Variants in KCNMB2 observed in about 807,000 individuals in gnomAD.
KCNMB2 encodes calcium-activated potassium channel subunit beta-2.
A neutral mutation model predicts 24.5 loss-of-function variants in KCNMB2; 9 were observed. The ratio of observed to expected loss-of-function variants is 0.37; its 90% CI spans 0.22 to 0.64. The LOEUF (loss-of-function observed/expected upper bound fraction) is 0.64, where lower values mean the gene tolerates loss of function less well. Among genes scored for constraint, KCNMB2 ranks in the 30% least tolerant of loss-of-function variants. The pLI, the probability that KCNMB2 is intolerant of heterozygous loss-of-function variation, is 0.63. For synonymous variants in KCNMB2, 109 were observed against 104.4 expected, an observed-to-expected ratio of 1.04 and a Z score of -0.27; for missense variants, 226 against 284.3, an observed-to-expected ratio of 0.79 and a Z score of 1.47.
At chr3:178,784,804 G>A (rs1373915386) in intron 1 of KCNMB2, among the ~76,000 whole-genome samples, 1 of 142,410 alleles carries the variant, frequency 7.0e-6, no homozygotes, top group Non-Finnish European at 1.5e-5. Flanking sequence ...TCTGCTTAGT[G>A]TCTTTTGCAT....
At chr3:178,823,905 C>T (rs1348016098) in intron 2 of KCNMB2, among the ~76,000 whole-genome samples, 1 of 138,574 alleles carries the variant, frequency 7.2e-6, no homozygotes, top group East Asian at 2.0e-4. Context: ...TGGCTTTTTG[C>T]CTGAAGCTAA....
intron 1 of KCNMB2, among the ~76,000 whole-genome samples, chr3:178,710,141 T>C (rs571432880): frequency 6.6e-6 from 1 of 152,252 alleles, no homozygotes; most frequent in South Asian, 2.1e-4. Flanking sequence ...AAATTAACTA[T>C]ATTAATTTAG....
intron 1 of KCNMB2, among the ~76,000 whole-genome samples, chr3:178,719,556 T>G (rs1722727710): frequency 6.6e-6 from 1 of 152,208 alleles, no homozygotes; most frequent in African/African-American, 2.4e-5. Context: ...TTTCTTTCTT[T>G]TTTTGCTTAT....
At chr3:178,729,893 C>T (rs1723087569) in intron 1 of KCNMB2, among the ~76,000 whole-genome samples, 1 of 152,164 alleles carries the variant, frequency 6.6e-6, no homozygotes, top group Admixed American at 6.6e-5. Flanking sequence ...ATTAAAACAA[C>T]AGAAGTTTAC....
chr3:178,584,532 AGTGCCTGGC>A (rs1717351812), intron 1 of KCNMB2, among the ~76,000 whole-genome samples: 1 of 152,132 alleles, frequency 6.6e-6, no homozygotes, highest in Admixed American at 6.5e-5. Context: ...CACCTAGAAC[AGTGCCTGGC>A]ACATGCTAAG....
intron 4 of KCNMB2, 88 bp from the exon 5 acceptor site, chr3:178,842,565 C>A: frequency 1.2e-6 from 1 of 839,258 alleles, no homozygotes; most frequent in Non-Finnish European, 1.9e-6. Context: ...TTTCACAGAT[C>A]ACTAATTTGG....
chr3:178,722,622 G>A (rs1049883808), intron 1 of KCNMB2, among the ~76,000 whole-genome samples: 7 of 152,200 alleles, frequency 4.6e-5, no homozygotes, highest in South Asian at 2.1e-4. Context: ...GGCGGGGCAC[G>A]GTGACATATG....
At chr3:178,721,121 G>A (rs964009645) in intron 1 of KCNMB2, among the ~76,000 whole-genome samples, 1 of 152,218 alleles carries the variant, frequency 6.6e-6, no homozygotes, top group African/African-American at 2.4e-5. Context: ...TAACGTTTAA[G>A]TCTTTAATCT....
chr3:178,697,064 A>G (rs1293181070), intron 1 of KCNMB2, among the ~76,000 whole-genome samples: 2 of 152,218 alleles, frequency 1.3e-5, no homozygotes, highest in Non-Finnish European at 2.9e-5. Flanking sequence ...TGGTAATAAG[A>G]AGAATGTATA....
At chr3:178,842,138 G>A (rs1158904385) in intron 4 of KCNMB2, among the ~76,000 whole-genome samples, 1 of 152,072 alleles carries the variant, frequency 6.6e-6, no homozygotes, top group African/African-American at 2.4e-5. Context: ...CAGTTGCAAA[G>A]TAACCAAATA....
chr3:178,800,552 A>G lies in KCNMB2; in HGVS notation c.-67-6791A>G, dbSNP rs145181029. Among the ~76,000 whole-genome samples the G allele has an allele frequency of 2.0e-3, 308 of 152,336 alleles. 1 individual carries two copies. The highest frequency in any genetic ancestry group is 3.9e-3 in the Non-Finnish European group (262 of 68,008). On this transcript the variant is annotated intron_variant, in intron 1 of 4. Coordinates refer to ENST00000452583, the MANE Select transcript of KCNMB2 (RefSeq NM_181361.3). ...ACAAATGCTAGTGAGGATGTGGAGAAAAGGGAACTCTTGTACACTGTTGGT... is the reference window on the plus strand; with the variant it reads ...ACAAATGCTAGTGAGGATGTGGAGAGAAGGGAACTCTTGTACACTGTTGGT...
chr3:178,739,877 C>T (rs1723438570), intron 1 of KCNMB2, among the ~76,000 whole-genome samples: 1 of 152,092 alleles, frequency 6.6e-6, no homozygotes, highest in Non-Finnish European at 1.5e-5. Context: ...TGGGAACAAA[C>T]CAAGCTGTCC....
chr3:178,559,432 T>G (rs1486677204), intron 1 of KCNMB2, among the ~76,000 whole-genome samples: 1 of 151,976 alleles, frequency 6.6e-6, no homozygotes, highest in Non-Finnish European at 1.5e-5. Context: ...TTTTCTTGTA[T>G]TTGAACAATT....
chr3:178,665,123 A>C (rs548140970), intron 1 of KCNMB2, among the ~76,000 whole-genome samples: 2 of 152,226 alleles, frequency 1.3e-5, no homozygotes, highest in African/African-American at 4.8e-5. Flanking sequence ...CTGACAGACA[A>C]GTTTAAGAGG....
At chr3:178,736,232 A>C (rs1396142995) in intron 1 of KCNMB2, among the ~76,000 whole-genome samples, 1 of 152,246 alleles carries the variant, frequency 6.6e-6, no homozygotes, top group Non-Finnish European at 1.5e-5. Context: ...TTCATAAAAC[A>C]GAACAATCTA....
In KCNMB2 at chr3:178,661,219, T is replaced by C. The variant is rs9814892; in HGVS notation, c.-68+124508T>C. ...GTTCTCATTGTTCAGCACCCACTTA[T>C]GAGTGAGAACATGCAGTGTCTGGTT... On this transcript the variant is annotated intron_variant, in intron 1 of 4. Transcript: ENST00000452583. Among the ~76,000 whole-genome samples, 1,065 of 151,682 alleles carry C rather than the reference T, an allele frequency of 7.0e-3. 11 individuals carry two copies. Among genetic ancestry groups the C allele is most frequent in the African/African-American group, 0.024 (993 of 41,316 alleles).
At chr3:178,708,051 C>T (rs761726741) in intron 1 of KCNMB2, among the ~76,000 whole-genome samples, 14 of 152,180 alleles carry the variant, frequency 9.2e-5, no homozygotes, top group Non-Finnish European at 1.8e-4. Flanking sequence ...GAATTGCTAT[C>T]TGCTCAAATA....
chr3:178,614,868 T>C (rs983697589), intron 1 of KCNMB2, among the ~76,000 whole-genome samples: 2 of 152,224 alleles, frequency 1.3e-5, no homozygotes, highest in African/African-American at 4.8e-5. Flanking sequence ...GTGTTAGGTA[T>C]TTATTGTAGT....
At chr3:178,568,209 G>C (rs1229114452) in intron 1 of KCNMB2, among the ~76,000 whole-genome samples, 1 of 152,084 alleles carries the variant, frequency 6.6e-6, no homozygotes, top group African/African-American at 2.4e-5. Flanking sequence ...CAGATAAGAA[G>C]ATATGTAATC....
Sources: allele counts gnomAD v4.1 joint callset (sites outside exome capture counted in the v4.1 genomes callset), GRCh38; gene constraint gnomAD v4.1.1; transcripts MANE v1.5; gene names NCBI Gene and HGNC (gene_info 2026-07-23, HGNC 2026-07-21).